The following RTN4 variants were observed in gnomAD, a reference collection of about 807,000 sequenced individuals.
RTN4 encodes reticulon-4.
A neutral mutation model predicts 90.4 loss-of-function variants in RTN4; 32 were observed. That is an observed-to-expected ratio of 0.35 (90% CI 0.27 to 0.48). The LOEUF (loss-of-function observed/expected upper bound fraction) is 0.48. Among genes scored for constraint, RTN4 ranks in the 20% least tolerant of loss-of-function variants. The pLI is 0.99. For synonymous variants in RTN4, 629 were observed against 552.5 expected, an observed-to-expected ratio of 1.14 and a Z score of -1.94; for missense variants, 1,706 against 1,430.2, an observed-to-expected ratio of 1.19 and a Z score of -3.11.
At position 55,087,267 on chromosome 2, in the gene RTN4, A is replaced by G. The variant is rs12611885; in HGVS notation, c.-213-6628T>C. Among the ~76,000 whole-genome samples, 688 of 152,276 alleles carry G rather than the reference A, an allele frequency of 4.5e-3. 32 individuals are homozygous for G. In the East Asian group the frequency reaches 0.12, roughly 28 times the overall value. On this transcript the variant is annotated intron_variant, in intron 1 of 3. Coordinates refer to the RTN4 transcript ENST00000427710. ...ATTGCTGGGTCATTCATCTGCATGCATTCATTTTTACTGGAAACTGCCAAA... is the reference window on the plus strand; with the variant it reads ...ATTGCTGGGTCATTCATCTGCATGCGTTCATTTTTACTGGAAACTGCCAAA...
chr2:54,973,472 G>C, intron 8 of RTN4, 91 bp downstream of exon 8: 2 of 1,011,096 alleles, frequency 2.0e-6, no homozygotes, highest in Admixed American at 3.8e-5. Flanking sequence ...ATAGAGATTT[G>C]TTACTCATTA....
intron 3 of RTN4, among the ~76,000 whole-genome samples, chr2:54,993,023 G>A (rs556962238): frequency 2.8e-5 from 4 of 144,606 alleles, no homozygotes; most frequent in South Asian, 2.2e-4. Context: ...GCAGTGAGCC[G>A]AGATTGCGCC....
chr2:54,983,923 T>G (rs1448715220), intron 4 of RTN4, among the ~76,000 whole-genome samples: 1 of 152,206 alleles, frequency 6.6e-6, no homozygotes, highest in Non-Finnish European at 1.5e-5. Flanking sequence ...CATTCTGTGA[T>G]TCTATGACTC....
At chr2:55,052,352 CT>C (rs1167319796), upstream of RTN4, among the ~76,000 whole-genome samples, 1 of 152,144 alleles carries the variant, frequency 6.6e-6, no homozygotes, top group Non-Finnish European at 1.5e-5. Flanking sequence ...TCCTGTTCAA[CT>C]TTTCTGTAAA....
chr2:55,010,225 C>T, intron 3 of RTN4: 4 of 1,584,456 alleles, frequency 2.5e-6, no homozygotes, highest in Non-Finnish European at 2.6e-6. Context: ...TACCCGTTTC[C>T]TCAACCGAAG....
chr2:54,982,683 C>A, intron 4 of RTN4, 30 bp from the exon 5 acceptor site: 2 of 1,569,526 alleles, frequency 1.3e-6, no homozygotes, highest in East Asian at 2.3e-5. Context: ...ATAATTGTCA[C>A]TAATTGGAGT....
At chr2:55,069,406 C>G (rs551789024) in intron 2 of RTN4, among the ~76,000 whole-genome samples, 56 of 152,330 alleles carry the variant, frequency 3.7e-4, no homozygotes, top group African/African-American at 1.2e-3. Flanking sequence ...CTCTAATACT[C>G]TAAGTGTTCC....
chr2:55,100,774 G>C (rs973010268), intron 1 of RTN4, among the ~76,000 whole-genome samples: 3 of 152,048 alleles, frequency 2.0e-5, no homozygotes, highest in African/African-American at 7.3e-5. Flanking sequence ...CAGCTCACTG[G>C]CTAGAAATTC....
upstream of RTN4, among the ~76,000 whole-genome samples, chr2:55,054,138 A>G (rs1668149171): frequency 6.6e-6 from 1 of 152,240 alleles, no homozygotes; most frequent in Non-Finnish European, 1.5e-5. Context: ...TCTTAAGAGT[A>G]CCAAAATGAT....
chr2:55,054,134 G>C (rs1388768298), upstream of RTN4, among the ~76,000 whole-genome samples: 1 of 152,096 alleles, frequency 6.6e-6, no homozygotes, highest in Non-Finnish European at 1.5e-5. Flanking sequence ...AAATTCTTAA[G>C]AGTACCAAAA....
intron 3 of RTN4, among the ~76,000 whole-genome samples, chr2:55,017,173 A>G (rs1056484015): frequency 3.9e-5 from 6 of 152,208 alleles, no homozygotes; most frequent in African/African-American, 1.2e-4. Context: ...AACTTACATC[A>G]AAATTTTCCA....
chr2:55,047,729 G>A (rs760872543), intron 1 of RTN4, among the ~76,000 whole-genome samples: 1 of 152,090 alleles, frequency 6.6e-6, no homozygotes, highest in South Asian at 2.1e-4. Context: ...TTCTGTCCCC[G>A]AAGTAGCAAG....
At chr2:55,092,751 T>G (rs893074321) in intron 1 of RTN4, among the ~76,000 whole-genome samples, 1 of 152,200 alleles carries the variant, frequency 6.6e-6, no homozygotes, top group Non-Finnish European at 1.5e-5. Flanking sequence ...TGACCACATA[T>G]ATATGTAGAT....
the RTN4 span, among the ~76,000 whole-genome samples, chr2:55,134,389 G>C: frequency 3.3e-5 from 5 of 152,066 alleles, no homozygotes; most frequent in South Asian, 1.0e-3. Flanking sequence ...TCCTAGACTT[G>C]GAGAAGGTCT....
intron 3 of RTN4, among the ~76,000 whole-genome samples, chr2:54,993,013 G>C (rs1679133220): frequency 1.4e-5 from 2 of 147,576 alleles, no homozygotes; most frequent in African/African-American, 5.1e-5. Flanking sequence ...GGCGGAGGTT[G>C]CAGTGAGCCG....
At chr2:55,080,259 C>G (rs1017729857) in intron 2 of RTN4, among the ~76,000 whole-genome samples, 1 of 152,050 alleles carries the variant, frequency 6.6e-6, no homozygotes, top group African/African-American at 2.4e-5. Context: ...CTCAAGCGAT[C>G]CTCCTGCCCC....
chr2:55,041,684 GAACAAAACAAACTGCA>G (rs1198523626), intron 1 of RTN4, among the ~76,000 whole-genome samples: 2 of 151,802 alleles, frequency 1.3e-5, no homozygotes, highest in African/African-American at 4.8e-5. Flanking sequence ...TCACTCTCTA[GAACAAAACAAACTGCA>G]AATAAATCAA....
At chr2:55,068,859 C>T (rs1291863844) in intron 2 of RTN4, among the ~76,000 whole-genome samples, 1 of 152,216 alleles carries the variant, frequency 6.6e-6, no homozygotes, top group Non-Finnish European at 1.5e-5. Context: ...ATACTTTTTA[C>T]TACTTTGACA....
At chr2:55,081,728 T>G (rs1032939966) in intron 1 of RTN4, among the ~76,000 whole-genome samples, 17 of 151,980 alleles carry the variant, frequency 1.1e-4, no homozygotes, top group African/African-American at 4.1e-4. Context: ...CTGAGCATGA[T>G]AGTGCATGCC....
Sources: gnomAD v4.1 joint callset for allele counts (sites outside exome capture counted in the v4.1 genomes callset) on GRCh38, gnomAD v4.1.1 for gene constraint, MANE v1.5 for transcripts, NCBI Gene and HGNC (gene_info 2026-07-23, HGNC 2026-07-21) for gene names.